MGAT4A: variants seen among roughly 807,000 people sequenced by gnomAD.
MGAT4A encodes alpha-1,3-mannosyl-glycoprotein 4-beta-N-acetylglucosaminyltransferase A.
MGAT4A carries 33 observed loss-of-function variants against 74.1 expected under a neutral mutation model. That is an observed-to-expected ratio of 0.45 (90% CI 0.34 to 0.60). MGAT4A has a LOEUF of 0.60. MGAT4A is among the 20% of genes least tolerant of loss of function. MGAT4A has a pLI of 0.02. For missense variants in MGAT4A, 479 were observed against 628.3 expected, an observed-to-expected ratio of 0.76 and a Z score of 2.54; for synonymous variants, 198 against 210.4, an observed-to-expected ratio of 0.94 and a Z score of 0.51.
chr2:98,665,568 T>G (rs1319203936), intron 4 of MGAT4A, among the ~76,000 whole-genome samples: 1 of 152,234 alleles, frequency 6.6e-6, no homozygotes, highest in Non-Finnish European at 1.5e-5. Context: ...TCTATTTGTT[T>G]TGCACATATT....
At position 98,627,628 on chromosome 2, in the gene MGAT4A, G is replaced by A. The variant is rs570641408; in HGVS notation, c.1469-1793C>T. Among the ~76,000 whole-genome samples, 79 of 152,234 alleles carry A rather than the reference G, an allele frequency of 5.2e-4. 1 individual carries two copies. Among genetic ancestry groups the A allele is most frequent in the African/African-American group, 1.8e-3 (75 of 41,532 alleles). ...TGACCTCAAGTGATCCACCTGCCTC[G>A]GCCTCCCAAAGTGCTGGGCTCACAA... On this transcript the variant is annotated intron_variant, in intron 14 of 15. Coordinates refer to ENST00000393487, the MANE Select transcript of MGAT4A (RefSeq NM_012214.3).
intron 10 of MGAT4A, among the ~76,000 whole-genome samples, chr2:98,640,760 T>C (rs1488552635): frequency 1.3e-5 from 2 of 152,156 alleles, no homozygotes; most frequent in African/African-American, 4.8e-5. Flanking sequence ...AAAATAAGCA[T>C]AGTTAAGGGA....
chr2:98,653,222 C>A (rs1701607300), intron 8 of MGAT4A, among the ~76,000 whole-genome samples: 1 of 140,104 alleles, frequency 7.1e-6, no homozygotes, highest in Non-Finnish European at 1.6e-5. Context: ...GAAGAAAGAT[C>A]TCAAAATCAG....
rs548760777 is a variant in MGAT4A at position 98,632,758 on chromosome 2, GT to G, written c.1468+2463del. 1.4e-3 allele frequency among the ~76,000 whole-genome samples: 211 copies of G among 152,190 alleles called. 1 individual carries two copies. Among genetic ancestry groups the G allele is most frequent in the African/African-American group, 4.9e-3 (205 of 41,550 alleles). On this transcript the variant is annotated intron_variant, in intron 14 of 15. Coordinates refer to ENST00000393487, the MANE Select transcript of MGAT4A (RefSeq NM_012214.3). ...GCACTGGTCATGGCAGTAGCCCTTGGTTTTTGTCTTGTTTTGTTTTGTTTGA... is the reference window on the plus strand; with the variant it reads ...GCACTGGTCATGGCAGTAGCCCTTGGTTTTGTCTTGTTTTGTTTTGTTTGA...
chr2:98,699,825 T>C (rs1702326528), intron 2 of MGAT4A, among the ~76,000 whole-genome samples: 1 of 152,090 alleles, frequency 6.6e-6, no homozygotes, highest in African/African-American at 2.4e-5. Context: ...TTAGCAAACA[T>C]AGGAAGCCAT....
chr2:98,714,786 G>A (rs1467225494), intron 2 of MGAT4A, among the ~76,000 whole-genome samples: 1 of 152,112 alleles, frequency 6.6e-6, no homozygotes, highest in Non-Finnish European at 1.5e-5. Context: ...CATTGTGAAT[G>A]TACTAAATTG....
intron 4 of MGAT4A, among the ~76,000 whole-genome samples, chr2:98,665,600 G>A (rs1701818118): frequency 6.6e-6 from 1 of 152,218 alleles, no homozygotes; most frequent in Non-Finnish European, 1.5e-5. Context: ...ACTATTCTAG[G>A]TGTTAAGCAT....
At chr2:98,660,168 C>T (rs1178201995) in intron 5 of MGAT4A, among the ~76,000 whole-genome samples, 1 of 152,054 alleles carries the variant, frequency 6.6e-6, no homozygotes, top group African/African-American at 2.4e-5. Flanking sequence ...AAAAATTTAA[C>T]CAAGGAAGTG....
intron 13 of MGAT4A, 51 bp downstream of exon 13, chr2:98,636,466 G>T: frequency 7.4e-7 from 1 of 1,346,490 alleles, no homozygotes; most frequent in Non-Finnish European, 1.1e-6. Context: ...TTCAAGCTAA[G>T]TCTACTAGTA....
intron 14 of MGAT4A, among the ~76,000 whole-genome samples, chr2:98,629,884 AAATACAAAAAT>A (rs1279309308): frequency 6.6e-6 from 1 of 152,162 alleles, no homozygotes; most frequent in Non-Finnish European, 1.5e-5. Flanking sequence ...TCTCTACTAA[AAATACAAAAAT>A]TAAGCCAGGC....
intron 5 of MGAT4A, among the ~76,000 whole-genome samples, chr2:98,660,292 T>C (rs952858528): frequency 2.4e-5 from 2 of 84,242 alleles, no homozygotes; most frequent in African/African-American, 1.5e-4. Context: ...TAAATGTCCA[T>C]ATTACCCAAA....
In MGAT4A at chr2:98,624,715, T is replaced by C; in HGVS notation, c.*851A>G. The C allele has an allele frequency of 1.0e-6, 1 of 983,130 alleles. No homozygotes were observed. The highest frequency in any genetic ancestry group is 1.7e-5 in the African/African-American group (1 of 57,278). 60.9% of individuals were successfully genotyped at this position (983,130 alleles called of 1,614,324 possible). Reference sequence around the variant, plus strand: ...TTGTCATTTTACATATCAGAGGAAATATAATAAGTTAAGTCTACAATAATC... The same window carrying C: ...TTGTCATTTTACATATCAGAGGAAACATAATAAGTTAAGTCTACAATAATC... On this transcript the variant is annotated 3_prime_UTR_variant, in exon 16 of 16. Transcript: ENST00000393487.
At chr2:98,657,600 GTCTTT>G (rs1701677552) in intron 6 of MGAT4A, among the ~76,000 whole-genome samples, 3 of 152,016 alleles carry the variant, frequency 2.0e-5, no homozygotes, top group African/African-American at 7.2e-5. Flanking sequence ...CTTCTTTTTT[GTCTTT>G]TCTTTTTAAG....
chr2:98,653,203 TA>T (rs999791056), intron 8 of MGAT4A, among the ~76,000 whole-genome samples: 1 of 138,460 alleles, frequency 7.2e-6, no homozygotes. Context: ...ACATTTACAT[TA>T]AAAAAAAGAA....
intron 2 of MGAT4A, among the ~76,000 whole-genome samples, chr2:98,698,932 A>G (rs939180882): frequency 6.6e-6 from 1 of 152,190 alleles, no homozygotes; most frequent in Non-Finnish European, 1.5e-5. Flanking sequence ...AAACTGTACT[A>G]TAATTACATA....
intron 2 of MGAT4A, among the ~76,000 whole-genome samples, chr2:98,691,213 G>A (rs1702190733): frequency 6.6e-6 from 1 of 152,162 alleles, no homozygotes; most frequent in African/African-American, 2.4e-5. Flanking sequence ...CAGCACTTTG[G>A]AAGGTTGAGG....
intron 2 of MGAT4A, among the ~76,000 whole-genome samples, chr2:98,697,413 G>A (rs1702292673): frequency 6.6e-6 from 1 of 152,210 alleles, no homozygotes; most frequent in African/African-American, 2.4e-5. Flanking sequence ...AGGGGTTGGT[G>A]TGACTATCGA....
chr2:98,622,323 C>T lies in MGAT4A; in HGVS notation c.*3243G>A. 1.0e-6 allele frequency: 1 copy of T among 985,456 alleles called. No homozygotes were observed. The highest frequency in any genetic ancestry group is 1.2e-6 in the Non-Finnish European group (1 of 829,954). The allele number at this position is 985,456 out of a possible 1,614,324, so 61.0% of individuals were successfully genotyped here. On this transcript the variant is annotated 3_prime_UTR_variant, in exon 16 of 16. Transcript: ENST00000393487. The stretch of plus-strand genomic sequence containing the variant: ...TCCGTGGTGTCAAGTGTGGTGGCCA[C>T]TAGCTCCACATGGCCACTGAGTACT...
At chr2:98,666,471 T>A (rs1167536983) in intron 4 of MGAT4A, among the ~76,000 whole-genome samples, 2 of 152,060 alleles carry the variant, frequency 1.3e-5, no homozygotes, top group Admixed American at 1.3e-4. Context: ...GGCGGAAGGA[T>A]CGCTTGAGCC....
Sources: allele counts gnomAD v4.1 joint callset (sites outside exome capture counted in the v4.1 genomes callset), GRCh38; gene constraint gnomAD v4.1.1; transcripts MANE v1.5; gene names NCBI Gene and HGNC (gene_info 2026-07-23, HGNC 2026-07-21).